FRMD5: variants seen among roughly 807,000 people sequenced by gnomAD.
FRMD5 encodes the protein FERM domain containing 5.
A neutral mutation model predicts 69.0 loss-of-function variants in FRMD5; 20 were observed. The ratio of observed to expected loss-of-function variants is 0.29; its 90% CI spans 0.20 to 0.42. The LOEUF (loss-of-function observed/expected upper bound fraction) is 0.42, where lower values mean the gene tolerates loss of function less well. Ranked by LOEUF, FRMD5 falls within the 10% of genes least tolerant of loss-of-function variation. FRMD5 has a pLI of 1.00. For missense variants in FRMD5, 595 were observed against 708.6 expected (o/e 0.84, Z 1.82); for synonymous variants, 271 against 260.1 (o/e 1.04, Z -0.40).
intron 1 of FRMD5, among the ~76,000 whole-genome samples, chr15:44,065,012 G>A (rs1893249897): frequency 1.3e-5 from 2 of 152,172 alleles, no homozygotes; most frequent in South Asian, 2.1e-4. Context: ...ATTTATTAAA[G>A]AAGATAGTGT....
At chr15:44,185,465 C>G (rs1295901360) in intron 1 of FRMD5, among the ~76,000 whole-genome samples, 1 of 152,152 alleles carries the variant, frequency 6.6e-6, no homozygotes, top group African/African-American at 2.4e-5. Flanking sequence ...TACAAACCTC[C>G]AATTCCATAA....
intron 1 of FRMD5, among the ~76,000 whole-genome samples, chr15:44,090,952 C>A (rs1176301908): frequency 1.3e-5 from 2 of 152,088 alleles, no homozygotes; most frequent in Non-Finnish European, 2.9e-5. Flanking sequence ...TTCAAGACAA[C>A]CTAACACAAC....
At chr15:44,176,613 A>G (rs2140547852) in intron 1 of FRMD5, among the ~76,000 whole-genome samples, 1 of 152,320 alleles carries the variant, frequency 6.6e-6, no homozygotes, top group South Asian at 2.1e-4. Context: ...ACTAGGAGAA[A>G]ATACTTGTAA....
intron 1 of FRMD5, among the ~76,000 whole-genome samples, chr15:44,174,367 A>G (rs1443636281): frequency 2.0e-5 from 3 of 152,184 alleles, no homozygotes; most frequent in African/African-American, 7.2e-5. Flanking sequence ...GTCAATGTTC[A>G]TCAAAACTGA....
chr15:44,087,899 A>G (rs1894271522), intron 1 of FRMD5, among the ~76,000 whole-genome samples: 1 of 152,190 alleles, frequency 6.6e-6, no homozygotes, highest in Admixed American at 6.5e-5. Flanking sequence ...TGAAAGCCCA[A>G]TAGTTACACT....
chr15:43,908,993 A>G (rs1681006951), intron 5 of FRMD5, among the ~76,000 whole-genome samples: 1 of 152,176 alleles, frequency 6.6e-6, no homozygotes, highest in Non-Finnish European at 1.5e-5. Flanking sequence ...GCCCAGGACA[A>G]ATCCCTAAAA....
chr15:43,890,066 C>G (rs1228435734), intron 8 of FRMD5, among the ~76,000 whole-genome samples: 1 of 152,150 alleles, frequency 6.6e-6, no homozygotes, highest in Non-Finnish European at 1.5e-5. Context: ...TTCTGACCAC[C>G]AGTTCTGAGC....
chr15:44,148,509 G>C (rs2077392688), intron 1 of FRMD5, among the ~76,000 whole-genome samples: 1 of 152,098 alleles, frequency 6.6e-6, no homozygotes, highest in South Asian at 2.1e-4. Context: ...CTGACCTCAT[G>C]ATCCGCCCGC....
chr15:43,896,515 A>T (rs2088914148), intron 7 of FRMD5, among the ~76,000 whole-genome samples: 1 of 152,210 alleles, frequency 6.6e-6, no homozygotes. Context: ...CTGCCATCAA[A>T]CTTCACCTGT....
At chr15:44,066,817 G>T (rs1183815915) in intron 1 of FRMD5, among the ~76,000 whole-genome samples, 1 of 152,094 alleles carries the variant, frequency 6.6e-6, no homozygotes, top group East Asian at 1.9e-4. Flanking sequence ...AAGTGAAACT[G>T]CTCTTTCAAG....
At chr15:44,081,865 A>C (rs1235557315) in intron 1 of FRMD5, among the ~76,000 whole-genome samples, 1 of 151,992 alleles carries the variant, frequency 6.6e-6, no homozygotes, top group African/African-American at 2.4e-5. Flanking sequence ...GCTGTGCCAC[A>C]ATCTGGTCCA....
chr15:43,905,239 C>T (rs1384980861), intron 6 of FRMD5, among the ~76,000 whole-genome samples: 3 of 150,944 alleles, frequency 2.0e-5, no homozygotes, highest in East Asian at 1.9e-4. Flanking sequence ...TGGGTTCAAG[C>T]GATTCTCCCG....
chr15:43,911,334 T>C (rs185718765), intron 4 of FRMD5, among the ~76,000 whole-genome samples: 56 of 152,358 alleles, frequency 3.7e-4, no homozygotes, highest in Admixed American at 3.6e-3. Context: ...CATAAAGTCA[T>C]TGCAGCTTCC....
chr15:44,008,998 C>T (rs1356126867), intron 1 of FRMD5, among the ~76,000 whole-genome samples: 2 of 152,156 alleles, frequency 1.3e-5, no homozygotes, highest in Non-Finnish European at 2.9e-5. Flanking sequence ...TGCACTCCAG[C>T]CTGGGTGACA....
At chr15:44,140,544 C>A (rs914506980) in intron 1 of FRMD5, among the ~76,000 whole-genome samples, 3 of 151,858 alleles carry the variant, frequency 2.0e-5, no homozygotes, top group Non-Finnish European at 4.4e-5. Flanking sequence ...AAAGAAATAT[C>A]AAAAATGTCA....
rs980849669 is a variant in FRMD5 at position 44,054,457 on chromosome 15, C to G, written c.103-130148G>C. On this transcript the variant is annotated intron_variant, in intron 1 of 13. Coordinates refer to ENST00000417257, the MANE Select transcript of FRMD5 (RefSeq NM_032892.5). ...TAACTAATTCCACAACAAATAACAT[C>G]TTGATTATAGAAACTGATTCTTGAG... Among the ~76,000 whole-genome samples, 3 of 152,136 alleles carry G rather than the reference C, an allele frequency of 2.0e-5. No homozygotes were observed. In the East Asian group the frequency reaches 5.8e-4, roughly 29 times the overall value.
intron 1 of FRMD5, among the ~76,000 whole-genome samples, chr15:44,085,340 G>T (rs1392866086): frequency 6.6e-6 from 1 of 151,968 alleles, no homozygotes; most frequent in Non-Finnish European, 1.5e-5. Context: ...CTGTCAATAG[G>T]GTAGACCAGA....
intron 1 of FRMD5, among the ~76,000 whole-genome samples, chr15:44,003,591 A>G (rs1472849988): frequency 6.6e-6 from 1 of 152,154 alleles, no homozygotes; most frequent in Non-Finnish European, 1.5e-5. Flanking sequence ...CACACTCTAC[A>G]GCTATAATCT....
chr15:43,991,220 A>AAT (rs1468144920), intron 1 of FRMD5, among the ~76,000 whole-genome samples: 1 of 152,176 alleles, frequency 6.6e-6, no homozygotes, highest in Non-Finnish European at 1.5e-5. Flanking sequence ...ACTGTACTTA[A>AAT]ATTGTTCTTT....
Sources: allele counts gnomAD v4.1 joint callset (sites outside exome capture counted in the v4.1 genomes callset), GRCh38; gene constraint gnomAD v4.1.1; transcripts MANE v1.5; gene names NCBI Gene and HGNC (gene_info 2026-07-23, HGNC 2026-07-21).